Variants in ZC3H12B observed in about 807,000 individuals in gnomAD.
ZC3H12B encodes zinc finger CCCH-type containing 12B, also known as probable ribonuclease ZC3H12B.
In ZC3H12B, 7 loss-of-function variants were observed where a neutral mutation model predicts 43.9. The observed-to-expected ratio is 0.16, with a 90% confidence interval of 0.09 to 0.30. The LOEUF is 0.30. Ranked by LOEUF, ZC3H12B falls within the 10% of genes least tolerant of loss-of-function variation. The pLI is 1.00. For missense variants in ZC3H12B, 475 were observed against 670.2 expected (o/e 0.71, Z 3.22); for synonymous variants, 222 against 241.7 (o/e 0.92, Z 0.76).
chrX:65,492,874 G>A (rs186374967), intron 1 of ZC3H12B, among the ~76,000 whole-genome samples: 1 of 111,829 alleles, frequency 8.9e-6, no homozygotes, highest in African/African-American at 3.2e-5. Flanking sequence ...GGCCAAGGCA[G>A]GCAGACTGCT....
intron 3 of ZC3H12B, among the ~76,000 whole-genome samples, chrX:65,420,156 C>T (rs1350200469): frequency 8.9e-6 from 1 of 111,826 alleles, no homozygotes; most frequent in African/African-American, 3.2e-5. Context: ...CCAAAGCCTG[C>T]CCTGGCACCA....
intron 3 of ZC3H12B, among the ~76,000 whole-genome samples, chrX:65,426,180 C>T (rs1299793703): frequency 1.9e-5 from 2 of 106,502 alleles, no homozygotes; most frequent in Non-Finnish European, 3.9e-5. Flanking sequence ...CTTCCTGGTT[C>T]AGTCTTGAGA....
At chrX:65,209,572 A>G in the ZC3H12B span, among the ~76,000 whole-genome samples, 2 of 105,692 alleles carry the variant, frequency 1.9e-5, no homozygotes, top group African/African-American at 3.5e-5. Context: ...GTTCTTTTAC[A>G]TTTGCTGAGG....
chrX:65,501,941 G>A (rs778965138), exon 5 of ZC3H12B: 29 of 1,209,360 alleles, frequency 2.4e-5, no homozygotes, highest in Non-Finnish European at 3.0e-5. Flanking sequence ...GTGTGGCACA[G>A]GGATGTCTAG....
chrX:65,472,825 GAT>G (rs58372328), intron 3 of ZC3H12B, among the ~76,000 whole-genome samples: 1,227 of 31,436 alleles, frequency 0.039, 32 homozygotes, highest in African/African-American at 0.099. Flanking sequence ...CCATACCTTT[GAT>G]ATATATATAT....
At chrX:65,144,178 C>T in the ZC3H12B span, among the ~76,000 whole-genome samples, 2 of 111,480 alleles carry the variant, frequency 1.8e-5, no homozygotes, top group African/African-American at 6.5e-5. Flanking sequence ...AATCTCACTG[C>T]TTTTTATTGG....
chrX:65,371,378 TAGCCAGTACACGATG>T (rs2066242644), intron 2 of ZC3H12B, among the ~76,000 whole-genome samples: 1 of 111,801 alleles, frequency 8.9e-6, no homozygotes, highest in Non-Finnish European at 1.9e-5. Context: ...TACAGTCACA[TAGCCAGTACACGATG>T]GATCCAGAAA....
chrX:65,293,974 C>A, the ZC3H12B span, among the ~76,000 whole-genome samples: 172 of 111,536 alleles, frequency 1.5e-3, 2 homozygotes, highest in African/African-American at 5.5e-3. Context: ...AGCTAGAGAT[C>A]TAGACATCTA....
chrX:65,072,335 G>A, the ZC3H12B span, among the ~76,000 whole-genome samples: 7 of 111,863 alleles, frequency 6.3e-5, no homozygotes, highest in Admixed American at 5.7e-4. Flanking sequence ...TGGCTATTTT[G>A]CCTATCAGTT....
the ZC3H12B span, among the ~76,000 whole-genome samples, chrX:65,299,605 A>C: frequency 2.7e-5 from 3 of 112,108 alleles, no homozygotes; most frequent in Admixed American, 9.4e-5. Context: ...CTAAGAGCTC[A>C]AATTCTGCAT....
intron 2 of ZC3H12B, among the ~76,000 whole-genome samples, chrX:65,373,897 A>ATATATATATATATATATAC (rs1215963583): frequency 0.16 from 4,383 of 27,255 alleles, 1,536 homozygotes; most frequent in African/African-American, 0.73. Context: ...GTATAGTAAT[A>ATATATATATATATATATAC]TATATATATA....
chrX:65,054,883 C>G, the ZC3H12B span, among the ~76,000 whole-genome samples: 4 of 111,240 alleles, frequency 3.6e-5, no homozygotes, highest in South Asian at 7.6e-4. Flanking sequence ...ATTTGGCTCT[C>G]TGTTTGTCTG....
the ZC3H12B span, among the ~76,000 whole-genome samples, chrX:65,175,275 C>G: frequency 8.9e-6 from 1 of 111,964 alleles, no homozygotes; most frequent in African/African-American, 3.2e-5. Flanking sequence ...AATTACCCCC[C>G]TCTGCATTGG....
chrX:65,163,017 T>A, the ZC3H12B span, among the ~76,000 whole-genome samples: 1 of 111,976 alleles, frequency 8.9e-6, no homozygotes, highest in East Asian at 2.8e-4. Flanking sequence ...TCTGTTGGAG[T>A]TTGCTGGAGG....
At chrX:65,281,139 C>A in the ZC3H12B span, among the ~76,000 whole-genome samples, 5 of 109,609 alleles carry the variant, frequency 4.6e-5, no homozygotes, top group Non-Finnish European at 7.6e-5. Context: ...CTGTAATAAC[C>A]AAAACAACAT....
In ZC3H12B at chrX:65,372,539, A is replaced by AGGAAGGAG. The variant is rs1239301824; in HGVS notation, n.295+3548_295+3549insGGGAAGGA. On this transcript the variant is annotated intron_variant and non_coding_transcript_variant, in intron 2 of 5. Coordinates refer to the ZC3H12B transcript ENST00000617377. ...AAGGAAGGAAGGAAGGAAGGAAGGA[A>AGGAAGGAG]GGAAGGAAAACATGTCAATTTGAAT... Among the ~76,000 whole-genome samples the AGGAAGGAG allele has an allele frequency of 3.9e-5, 4 of 103,183 alleles. No individual in the cohort carries two copies. The Admixed American group carries it at 4.1e-4, about 11-fold the overall frequency. The allele number at this position is 103,183 out of a possible 115,157, so 89.6% of individuals were successfully genotyped here.
the ZC3H12B span, among the ~76,000 whole-genome samples, chrX:65,181,045 C>T: frequency 2.7e-5 from 3 of 110,990 alleles, no homozygotes; most frequent in African/African-American, 9.8e-5. Context: ...GTACTGGTAC[C>T]AAAACAGACA....
At chrX:65,182,544 A>G in the ZC3H12B span, among the ~76,000 whole-genome samples, 2 of 111,316 alleles carry the variant, frequency 1.8e-5, no homozygotes, top group Non-Finnish European at 3.8e-5. Context: ...AAGACACCAA[A>G]AGCAATTGTA....
At chrX:65,303,907 A>G in the ZC3H12B span, among the ~76,000 whole-genome samples, 1 of 112,535 alleles carries the variant, frequency 8.9e-6, no homozygotes, top group Non-Finnish European at 1.9e-5. Context: ...CATAAAATAG[A>G]GAGATCTGTA....
Sources: allele counts gnomAD v4.1 joint callset (sites outside exome capture counted in the v4.1 genomes callset), GRCh38; gene constraint gnomAD v4.1.1; transcripts MANE v1.5; gene names NCBI Gene and HGNC (gene_info 2026-07-23, HGNC 2026-07-21).